The following CIMIP2A variants were observed in gnomAD, a reference collection of about 807,000 sequenced individuals.
The protein encoded by CIMIP2A is family with sequence similarity 166 member A.
At chr9:137,254,433 C>T in the CIMIP2A span, among the ~76,000 whole-genome samples, 1 of 152,208 alleles carries the variant, frequency 6.6e-6, no homozygotes. Flanking sequence ...CCACCAGGCA[C>T]CCCTGGTGAG....
At chr9:137,251,185 C>G in the CIMIP2A span, 2 of 899,560 alleles carry the variant, frequency 2.2e-6, no homozygotes, top group African/African-American at 1.6e-5. Context: ...CCCTCCAGGG[C>G]CAGACAATGT....
chr9:137,249,133 G>A, the CIMIP2A span, among the ~76,000 whole-genome samples: 1 of 152,068 alleles, frequency 6.6e-6, no homozygotes, highest in Non-Finnish European at 1.5e-5. Context: ...TGGGATTACA[G>A]GCGTGAGCCA....
the CIMIP2A span, chr9:137,251,645 CG>C: frequency 1.4e-6 from 2 of 1,444,930 alleles, no homozygotes; most frequent in Non-Finnish European, 1.8e-6. Flanking sequence ...TGGGAGCAGC[CG>C]GGGGCTGAGG....
the CIMIP2A span, chr9:137,251,732 T>C: frequency 3.8e-6 from 6 of 1,559,200 alleles, no homozygotes; most frequent in East Asian, 1.2e-4. Flanking sequence ...CTGGTCTCCC[T>C]TGCAGGCCCA....
the CIMIP2A span, chr9:137,252,614 T>A: frequency 4.2e-5 from 64 of 1,519,598 alleles, no homozygotes; most frequent in African/African-American, 8.4e-4. Context: ...TGGCTGAGGG[T>A]CCGTGGGGAG....
At chr9:137,251,716 T>C in the CIMIP2A span, 1 of 1,553,710 alleles carries the variant, frequency 6.4e-7, no homozygotes, top group Admixed American at 1.9e-5. Flanking sequence ...GCTGAGACAG[T>C]GGCTGCTGGT....
At chr9:137,250,949 C>G in the CIMIP2A span, 1 of 353,300 alleles carries the variant, frequency 2.8e-6, no homozygotes, top group Non-Finnish European at 5.4e-6. Flanking sequence ...CTGTTCCCTC[C>G]ACCCCCTCTG....
chr9:137,245,343 G>A, the CIMIP2A span: 111 of 1,601,826 alleles, frequency 6.9e-5, no homozygotes, highest in Admixed American at 8.5e-5. Context: ...CAGGAGTGGC[G>A]CTCTTCCAGG....
chr9:137,247,863 G>T, the CIMIP2A span: 1 of 726,134 alleles, frequency 1.4e-6, no homozygotes, highest in Non-Finnish European at 2.4e-6. Flanking sequence ...CCCTGTGAGG[G>T]CCCACATTGC....
the CIMIP2A span, chr9:137,245,405 C>G: frequency 5.0e-6 from 8 of 1,613,764 alleles, no homozygotes; most frequent in Admixed American, 1.3e-4. Flanking sequence ...CCCTTCCTGC[C>G]TGGTGGGCAC....
chr9:137,249,364 T>C, the CIMIP2A span, among the ~76,000 whole-genome samples: 1 of 152,168 alleles, frequency 6.6e-6, no homozygotes, highest in Non-Finnish European at 1.5e-5. Context: ...CACTGCAAAC[T>C]GGGACCATTG....
At chr9:137,248,249 T>C in the CIMIP2A span, among the ~76,000 whole-genome samples, 1 of 152,100 alleles carries the variant, frequency 6.6e-6, no homozygotes. Context: ...TTCCTAACCA[T>C]AAAAATGAAG....
chr9:137,251,284 C>G, the CIMIP2A span: 5 of 1,601,186 alleles, frequency 3.1e-6, no homozygotes, highest in Non-Finnish European at 4.3e-6. Context: ...CCAGGAGACT[C>G]TGATGATGAA....
the CIMIP2A span, chr9:137,252,247 C>A: frequency 2.8e-6 from 4 of 1,431,082 alleles, no homozygotes; most frequent in Non-Finnish European, 3.8e-6. Flanking sequence ...TCCACCCTTC[C>A]CTGCGTTCAC....
At chr9:137,245,168 CTG>C in the CIMIP2A span, 1 of 1,576,224 alleles carries the variant, frequency 6.3e-7, no homozygotes, top group Non-Finnish European at 8.6e-7. Flanking sequence ...CTAGCGTCTC[CTG>C]CTGGCGGCGG....
chr9:137,251,687 TG>T, the CIMIP2A span: 1 of 1,535,728 alleles, frequency 6.5e-7, no homozygotes. Flanking sequence ...GTGGGGCATG[TG>T]GCTGGGAGCG....
chr9:137,249,456 C>G, the CIMIP2A span, among the ~76,000 whole-genome samples: 2 of 152,330 alleles, frequency 1.3e-5, no homozygotes, highest in Admixed American at 1.3e-4. Flanking sequence ...TCCCATATTC[C>G]CATAGCCCTT....
chr9:137,251,414 G>A, the CIMIP2A span: 2 of 1,584,798 alleles, frequency 1.3e-6, no homozygotes, highest in Non-Finnish European at 1.7e-6. Context: ...GCGGAGAGGG[G>A]GAGAAGGGGC....
At chr9:137,247,051 C>T in the CIMIP2A span, among the ~76,000 whole-genome samples, 8 of 151,946 alleles carry the variant, frequency 5.3e-5, no homozygotes, top group African/African-American at 1.4e-4. Flanking sequence ...TTTGGGAGGC[C>T]GAGGTGGGCA....
Sources: gnomAD v4.1 joint callset for allele counts (sites outside exome capture counted in the v4.1 genomes callset) on GRCh38, gnomAD v4.1.1 for gene constraint, MANE v1.5 for transcripts, NCBI Gene and HGNC (gene_info 2026-07-23, HGNC 2026-07-21) for gene names.